Variants in GPC5 observed in about 807,000 individuals in gnomAD.
The protein encoded by GPC5 is glypican-5.
In GPC5, 47 loss-of-function variants were observed where a neutral mutation model predicts 53.9. The observed-to-expected ratio is 0.87, with a 90% CI of 0.69 to 1.11. GPC5 has a LOEUF of 1.11. GPC5 is among the 50% of genes most tolerant of loss of function. GPC5 has a pLI of 0.00. For missense variants in GPC5, 748 were observed against 713.1 expected (o/e 1.05, Z -0.56); for synonymous variants, 286 against 263.3 (o/e 1.09, Z -0.84).
chr13:92,127,047 G>T (rs190774781), intron 6 of GPC5, among the ~76,000 whole-genome samples: 59 of 152,010 alleles, frequency 3.9e-4, no homozygotes, highest in African/African-American at 1.4e-3. Flanking sequence ...CTAATGGTTA[G>T]AAAGGATAAA....
At chr13:92,360,909 T>G (rs2043560769) in intron 7 of GPC5, among the ~76,000 whole-genome samples, 1 of 151,822 alleles carries the variant, frequency 6.6e-6, no homozygotes, top group African/African-American at 2.4e-5. Flanking sequence ...TACAAAGGTC[T>G]CAAATGTAAA....
At chr13:91,643,099 G>A (rs1338980466) in intron 2 of GPC5, among the ~76,000 whole-genome samples, 1 of 152,124 alleles carries the variant, frequency 6.6e-6, no homozygotes, top group Non-Finnish European at 1.5e-5. Flanking sequence ...GCATGGGGAT[G>A]GAGGAGACTA....
chr13:92,162,259 G>T (rs978072908), intron 7 of GPC5, among the ~76,000 whole-genome samples: 8 of 152,012 alleles, frequency 5.3e-5, no homozygotes, highest in African/African-American at 1.9e-4. Flanking sequence ...CGTTTGAAAT[G>T]CCCCTTATCT....
At chr13:92,512,170 C>T (rs2138953791) in intron 7 of GPC5, among the ~76,000 whole-genome samples, 1 of 152,248 alleles carries the variant, frequency 6.6e-6, no homozygotes, top group African/African-American at 2.4e-5. Flanking sequence ...AATTTTCTCC[C>T]CGATTCTGCC....
At chr13:92,331,644 T>C (rs1264374157) in intron 7 of GPC5, among the ~76,000 whole-genome samples, 2 of 151,492 alleles carry the variant, frequency 1.3e-5, no homozygotes, top group African/African-American at 2.4e-5. Flanking sequence ...CAACTTGAGA[T>C]AAAATTTTTC....
chr13:91,629,213 A>G (rs940830710), intron 2 of GPC5, among the ~76,000 whole-genome samples: 2 of 152,182 alleles, frequency 1.3e-5, no homozygotes, highest in Non-Finnish European at 2.9e-5. Context: ...CACTTTTTAC[A>G]GAAGAGAAAA....
intron 7 of GPC5, among the ~76,000 whole-genome samples, chr13:92,386,498 G>T (rs537076472): frequency 6.6e-6 from 1 of 152,088 alleles, no homozygotes; most frequent in Admixed American, 6.6e-5. Context: ...TCTGTGAATG[G>T]TAACTCACAG....
chr13:92,200,964 C>A (rs1440071023), intron 7 of GPC5, among the ~76,000 whole-genome samples: 1 of 134,296 alleles, frequency 7.4e-6, no homozygotes. Flanking sequence ...GACAGACACA[C>A]AGGCACTCAG....
chr13:92,394,540 CTGGAACCCT>C (rs1875172752), intron 7 of GPC5, among the ~76,000 whole-genome samples: 1 of 152,184 alleles, frequency 6.6e-6, no homozygotes, highest in African/African-American at 2.4e-5. Flanking sequence ...CCCAGCCAAG[CTGGAACCCT>C]GATCTCAGAC....
intron 6 of GPC5, among the ~76,000 whole-genome samples, chr13:91,932,642 C>T (rs766019260): frequency 1.3e-5 from 2 of 151,918 alleles, no homozygotes; most frequent in Non-Finnish European, 2.9e-5. Flanking sequence ...CTTCCATATT[C>T]ATTATTCTCT....
At chr13:92,750,583 G>A (rs1159190361) in intron 7 of GPC5, among the ~76,000 whole-genome samples, 1 of 152,146 alleles carries the variant, frequency 6.6e-6, no homozygotes, top group Non-Finnish European at 1.5e-5. Context: ...TTGTCCTTAT[G>A]AATTATCTCC....
intron 7 of GPC5, among the ~76,000 whole-genome samples, chr13:92,230,891 C>G (rs972102334): frequency 6.6e-6 from 1 of 152,020 alleles, no homozygotes; most frequent in Non-Finnish European, 1.5e-5. Context: ...AAATTAATTA[C>G]CATATAATTC....
At chr13:92,053,672 A>C (rs1353489442) in intron 6 of GPC5, among the ~76,000 whole-genome samples, 1 of 152,062 alleles carries the variant, frequency 6.6e-6, no homozygotes, top group African/African-American at 2.4e-5. Flanking sequence ...GCTATACGTT[A>C]ATGTATAGCA....
At chr13:92,848,176 T>C (rs1180835270) in intron 7 of GPC5, among the ~76,000 whole-genome samples, 1 of 152,208 alleles carries the variant, frequency 6.6e-6, no homozygotes, top group African/African-American at 2.4e-5. Context: ...CTGTCCTGTG[T>C]AAAAATATTA....
At chr13:92,657,579 G>GTTTTTTTTTTTTTTTTTTTTTTTTTTT (rs67038073) in intron 7 of GPC5, among the ~76,000 whole-genome samples, 4 of 106,730 alleles carry the variant, frequency 3.7e-5, no homozygotes, top group African/African-American at 7.4e-5. Flanking sequence ...AGGTTTTTTG[G>GTTTTTTTTTTTTTTTTTTTTTTTTTTT]TTTTTTTTTT....
At chr13:91,624,228 C>T (rs2033939752) in intron 2 of GPC5, among the ~76,000 whole-genome samples, 1 of 152,090 alleles carries the variant, frequency 6.6e-6, no homozygotes, top group African/African-American at 2.4e-5. Context: ...CAAAAATCTA[C>T]CCCTATTGTA....
At chr13:91,432,000 G>A (rs971036418) in intron 1 of GPC5, among the ~76,000 whole-genome samples, 12 of 152,138 alleles carry the variant, frequency 7.9e-5, no homozygotes, top group Admixed American at 5.9e-4. Flanking sequence ...TCTTCAGCCC[G>A]GATTGCAGGA....
intron 7 of GPC5, among the ~76,000 whole-genome samples, chr13:92,382,303 C>G (rs144006679): frequency 1.3e-5 from 2 of 152,016 alleles, no homozygotes; most frequent in East Asian, 3.9e-4. Context: ...CCAAAATCTC[C>G]CAAATCACCA....
At chr13:92,419,018 G>A (rs951524132) in intron 7 of GPC5, among the ~76,000 whole-genome samples, 1 of 152,142 alleles carries the variant, frequency 6.6e-6, no homozygotes, top group Non-Finnish European at 1.5e-5. Context: ...TTCTTCTCAC[G>A]TGGCTTATAA....
Sources: gnomAD v4.1 joint callset for allele counts (sites outside exome capture counted in the v4.1 genomes callset) on GRCh38, gnomAD v4.1.1 for gene constraint, MANE v1.5 for transcripts, NCBI Gene and HGNC (gene_info 2026-07-23, HGNC 2026-07-21) for gene names.